Variants in GALNTL6 observed in about 807,000 individuals in gnomAD.
The protein encoded by GALNTL6 is polypeptide N-acetylgalactosaminyltransferase-like 6.
In GALNTL6, 46 loss-of-function variants were observed where a neutral mutation model predicts 73.7. The ratio of observed to expected loss-of-function variants is 0.62; its 90% CI spans 0.49 to 0.80. The LOEUF is 0.80. Among genes scored for constraint, GALNTL6 ranks in the 30% least tolerant of loss-of-function variants. The pLI is 0.00. For missense variants in GALNTL6, 604 were observed against 755.0 expected (o/e 0.80, Z 2.34); for synonymous variants, 259 against 263.7 (o/e 0.98, Z 0.17).
chr4:172,874,316 T>A (rs939957406), intron 7 of GALNTL6, among the ~76,000 whole-genome samples: 17 of 151,362 alleles, frequency 1.1e-4, no homozygotes, highest in Non-Finnish European at 8.8e-5. Context: ...GGATGGAGAG[T>A]GTAAGGGAAT....
intron 2 of GALNTL6, among the ~76,000 whole-genome samples, chr4:172,040,880 C>T (rs1742070441): frequency 6.6e-6 from 1 of 152,002 alleles, no homozygotes; most frequent in Non-Finnish European, 1.5e-5. Flanking sequence ...CTTGCAACTG[C>T]ACAATATAAT....
At chr4:172,909,788 C>T (rs1216574702) in intron 8 of GALNTL6, among the ~76,000 whole-genome samples, 2 of 151,770 alleles carry the variant, frequency 1.3e-5, no homozygotes, top group African/African-American at 4.8e-5. Flanking sequence ...TTACATAAAC[C>T]AAAGATAAAC....
intron 2 of GALNTL6, among the ~76,000 whole-genome samples, chr4:172,182,011 C>A (rs1321359373): frequency 6.6e-6 from 1 of 152,150 alleles, no homozygotes; most frequent in Non-Finnish European, 1.5e-5. Flanking sequence ...GCCACCGCGC[C>A]CGGCCTTCAG....
chr4:172,887,588 G>A (rs1280118907), intron 8 of GALNTL6, among the ~76,000 whole-genome samples: 2 of 139,522 alleles, frequency 1.4e-5, no homozygotes, highest in African/African-American at 5.4e-5. Context: ...TTTTGAGATC[G>A]AGTCTCACTC....
At chr4:171,830,438 A>G (rs1328931903) in intron 2 of GALNTL6, among the ~76,000 whole-genome samples, 2 of 152,176 alleles carry the variant, frequency 1.3e-5, no homozygotes, top group Non-Finnish European at 2.9e-5. Context: ...ATTTCTTGAA[A>G]TAATTAAGTG....
chr4:171,883,511 TAA>T (rs1428176915), intron 2 of GALNTL6, among the ~76,000 whole-genome samples: 1 of 152,202 alleles, frequency 6.6e-6, no homozygotes, highest in East Asian at 1.9e-4. Context: ...TAATTGAAGT[TAA>T]GTCTTCTTCT....
At chr4:172,586,890 C>A (rs1737431617) in intron 5 of GALNTL6, among the ~76,000 whole-genome samples, 1 of 152,168 alleles carries the variant, frequency 6.6e-6, no homozygotes, top group South Asian at 2.1e-4. Flanking sequence ...CTCCTGATTC[C>A]TTGTGCCAAA....
At chr4:172,263,719 CTAA>C (rs1738334929) in intron 3 of GALNTL6, among the ~76,000 whole-genome samples, 1 of 151,206 alleles carries the variant, frequency 6.6e-6, no homozygotes, top group Non-Finnish European at 1.5e-5. Context: ...CAAAATAATG[CTAA>C]TAATTTTTTA....
chr4:172,994,846 TC>T (rs1237686760), intron 10 of GALNTL6, among the ~76,000 whole-genome samples: 1 of 152,150 alleles, frequency 6.6e-6, no homozygotes, highest in African/African-American at 2.4e-5. Context: ...TCAGAACCAG[TC>T]CCATGATTTT....
At chr4:172,625,944 A>G (rs1739151771) in intron 5 of GALNTL6, among the ~76,000 whole-genome samples, 2 of 152,106 alleles carry the variant, frequency 1.3e-5, no homozygotes, top group South Asian at 2.1e-4. Context: ...ATAGTTTGCA[A>G]ATATTTTCTC....
chr4:171,839,353 G>A (rs984608579), intron 2 of GALNTL6, among the ~76,000 whole-genome samples: 9 of 152,202 alleles, frequency 5.9e-5, no homozygotes, highest in Non-Finnish European at 8.8e-5. Context: ...GGTTGATCAG[G>A]AATTTATCTG....
At chr4:172,746,064 G>T (rs1461836954) in intron 5 of GALNTL6, among the ~76,000 whole-genome samples, 1 of 151,996 alleles carries the variant, frequency 6.6e-6, no homozygotes, top group African/African-American at 2.4e-5. Flanking sequence ...AAATTATAAT[G>T]ATAATAATAA....
In GALNTL6 at chr4:172,087,260, G is replaced by A. The variant is rs1169933764; in HGVS notation, c.139-142396G>A. Among the ~76,000 whole-genome samples the A allele has an allele frequency of 3.9e-5, 6 of 152,078 alleles. No individual in the cohort carries two copies. The East Asian group carries it at 9.7e-4, about 25-fold the overall frequency. On this transcript the variant is annotated intron_variant, in intron 2 of 12. Transcript: ENST00000506823. ...AGATTGAGACCATCCTGGCTAACAA[G>A]GTGAAACCCCGTCTCTACTAAAAAA...
intron 10 of GALNTL6, among the ~76,000 whole-genome samples, chr4:172,965,842 A>G (rs1750302376): frequency 6.6e-6 from 1 of 152,280 alleles, no homozygotes; most frequent in South Asian, 2.1e-4. Context: ...TGTATTTGAT[A>G]TATGTTAACA....
At chr4:172,558,553 A>T (rs1208172626) in intron 5 of GALNTL6, among the ~76,000 whole-genome samples, 1 of 152,182 alleles carries the variant, frequency 6.6e-6, no homozygotes, top group East Asian at 1.9e-4. Context: ...TAAGCCAGCG[A>T]GAGAGACCTC....
At chr4:172,039,587 A>C (rs1742028987) in intron 2 of GALNTL6, among the ~76,000 whole-genome samples, 2 of 152,140 alleles carry the variant, frequency 1.3e-5, no homozygotes, top group Admixed American at 1.3e-4. Context: ...TACAAAGGAC[A>C]GTTCATAACA....
rs1365653327 is a variant in GALNTL6, at chr4:173,041,520, T to C, written c.*1420T>C. 6.6e-6 allele frequency: 1 copy of C among 152,184 alleles called. No homozygotes were observed. Among genetic ancestry groups the C allele is most frequent in the Non-Finnish European group, 1.5e-5 (1 of 68,022 alleles). 9.4% of individuals were successfully genotyped at this position (152,184 alleles called of 1,614,324 possible). A position where few individuals can be genotyped will look rare whatever the true frequency, so the allele number is the denominator to read the frequency against. On this transcript the variant is annotated 3_prime_UTR_variant, in exon 13 of 13. Transcript: ENST00000506823. ...AACTTTGCTTTCTTTTTGGTTTTTG[T>C]TTGAAGTTGGTTTTCCTGTTAATAA...
chr4:172,378,340 C>T (rs924526110), intron 5 of GALNTL6, among the ~76,000 whole-genome samples: 6 of 152,116 alleles, frequency 3.9e-5, no homozygotes, highest in Non-Finnish European at 8.8e-5. Context: ...CCTCTATTTC[C>T]ATGTTCAGGA....
At chr4:172,417,680 T>C (rs1014784443) in intron 5 of GALNTL6, among the ~76,000 whole-genome samples, 1 of 152,044 alleles carries the variant, frequency 6.6e-6, no homozygotes, top group Non-Finnish European at 1.5e-5. Flanking sequence ...AAAATTTAAA[T>C]TGAAAAAGAT....
Sources: allele counts gnomAD v4.1 joint callset (sites outside exome capture counted in the v4.1 genomes callset), GRCh38; gene constraint gnomAD v4.1.1; transcripts MANE v1.5; gene names NCBI Gene and HGNC (gene_info 2026-07-23, HGNC 2026-07-21).